Variants in SAMD12 observed in about 807,000 individuals in gnomAD.
SAMD12 encodes sterile alpha motif domain-containing protein 12.
SAMD12 carries 9 observed loss-of-function variants against 15.0 expected under a neutral mutation model. That is an observed-to-expected ratio of 0.60 (90% CI 0.36 to 1.05). The LOEUF (loss-of-function observed/expected upper bound fraction) is 1.05, where lower values mean the gene tolerates loss of function less well. SAMD12 is among the 50% of genes least tolerant of loss of function. The pLI is 0.01. For missense variants in SAMD12, 230 were observed against 234.2 expected, an observed-to-expected ratio of 0.98 and a Z score of 0.12; for synonymous variants, 86 against 90.1, an observed-to-expected ratio of 0.96 and a Z score of 0.25.
chr8:118,497,799 G>A (rs1217505579), intron 2 of SAMD12, among the ~76,000 whole-genome samples: 1 of 150,682 alleles, frequency 6.6e-6, no homozygotes, highest in Non-Finnish European at 1.5e-5. Context: ...TAAAAAAGAT[G>A]CCATTTTGAG....
chr8:118,390,690 A>C (rs1214138703), intron 3 of SAMD12, among the ~76,000 whole-genome samples: 1 of 152,032 alleles, frequency 6.6e-6, no homozygotes, highest in Non-Finnish European at 1.5e-5. Context: ...TCTCACTTCT[A>C]CCTGAGAGCG....
intron 4 of SAMD12, among the ~76,000 whole-genome samples, chr8:118,320,677 G>C (rs911850738): frequency 6.8e-6 from 1 of 147,912 alleles, no homozygotes; most frequent in Non-Finnish European, 1.5e-5. Flanking sequence ...TGGGGTGGGG[G>C]GGGTGGGGAG....
intron 4 of SAMD12, among the ~76,000 whole-genome samples, chr8:118,368,542 T>A (rs77939520): frequency 6.6e-6 from 1 of 152,032 alleles, no homozygotes; most frequent in Non-Finnish European, 1.5e-5. Flanking sequence ...GATGGGTCAA[T>A]AGAAAAAGAT....
intron 4 of SAMD12, among the ~76,000 whole-genome samples, chr8:118,230,331 T>A (rs1478934514): frequency 6.6e-6 from 1 of 152,198 alleles, no homozygotes; most frequent in Non-Finnish European, 1.5e-5. Flanking sequence ...CGGGATTCTA[T>A]CCCAGACAGA....
chr8:118,494,548 AT>A (rs1824547562), intron 2 of SAMD12, among the ~76,000 whole-genome samples: 2 of 152,190 alleles, frequency 1.3e-5, no homozygotes, highest in African/African-American at 4.8e-5. Context: ...GTACTAAAAA[AT>A]ATTTGCTGAA....
chr8:118,426,806 CGTGA>C (rs139696119), intron 3 of SAMD12, among the ~76,000 whole-genome samples: 6,879 of 152,146 alleles, frequency 0.045, 445 homozygotes, highest in African/African-American at 0.14. Context: ...ATTTTGAAAT[CGTGA>C]GTATTTTGTG....
chr8:118,159,067 T>C, the SAMD12 span, among the ~76,000 whole-genome samples: 1 of 151,848 alleles, frequency 6.6e-6, no homozygotes, highest in Non-Finnish European at 1.5e-5. Flanking sequence ...CATGCCCTTT[T>C]CCCCATCCCC....
At chr8:118,482,057 A>C (rs570010675) in intron 2 of SAMD12, among the ~76,000 whole-genome samples, 14 of 152,358 alleles carry the variant, frequency 9.2e-5, no homozygotes, top group Non-Finnish European at 2.1e-4. Flanking sequence ...ACATCCAGGC[A>C]GTATTACTCC....
chr8:118,566,332 C>T (rs1826847012), intron 2 of SAMD12, among the ~76,000 whole-genome samples: 1 of 152,186 alleles, frequency 6.6e-6, no homozygotes, highest in Admixed American at 6.5e-5. Flanking sequence ...ATTCCCCTGT[C>T]TTCTACTCCA....
chr8:118,259,137 T>C (rs939514462), intron 4 of SAMD12, among the ~76,000 whole-genome samples: 1 of 152,006 alleles, frequency 6.6e-6, no homozygotes, highest in Non-Finnish European at 1.5e-5. Flanking sequence ...TACAGAAGCA[T>C]AGTGGACTAG....
chr8:118,306,040 G>A (rs1364640491), intron 4 of SAMD12, among the ~76,000 whole-genome samples: 5 of 152,150 alleles, frequency 3.3e-5, no homozygotes, highest in Admixed American at 3.3e-4. Flanking sequence ...GTTCTGCCTT[G>A]TCCTTTGTCC....
At chr8:118,426,208 G>T (rs539891824) in intron 3 of SAMD12, among the ~76,000 whole-genome samples, 2 of 152,162 alleles carry the variant, frequency 1.3e-5, no homozygotes, top group Admixed American at 6.5e-5. Flanking sequence ...GTCCTTTGAT[G>T]TGCTAGGCAC....
intron 2 of SAMD12, among the ~76,000 whole-genome samples, chr8:118,522,157 AACACACACACACACACACACAT>A (rs1313826877): frequency 4.9e-4 from 34 of 69,978 alleles, no homozygotes; most frequent in African/African-American, 1.8e-3. Context: ...GATTCAGTGA[AACACACACACACACACACACAT>A]ACACACACAC....
At chr8:118,270,354 A>G (rs1318978557) in intron 4 of SAMD12, among the ~76,000 whole-genome samples, 1 of 152,166 alleles carries the variant, frequency 6.6e-6, no homozygotes, top group East Asian at 1.9e-4. Flanking sequence ...TTCCTTTTAT[A>G]TGTTTGTGTA....
At chr8:118,509,608 C>G (rs1172203394) in intron 2 of SAMD12, among the ~76,000 whole-genome samples, 1 of 152,204 alleles carries the variant, frequency 6.6e-6, no homozygotes, top group African/African-American at 2.4e-5. Context: ...CCCTAAAACT[C>G]AAAATGTAGC....
downstream of SAMD12, among the ~76,000 whole-genome samples, chr8:118,374,308 C>T (rs1326032315): frequency 2.0e-5 from 3 of 151,946 alleles, no homozygotes; most frequent in Non-Finnish European, 4.4e-5. Flanking sequence ...AGCATGTGGT[C>T]GGATTTCCTT....
At chr8:118,562,759 G>C (rs145111118) in intron 2 of SAMD12, among the ~76,000 whole-genome samples, 1 of 152,312 alleles carries the variant, frequency 6.6e-6, no homozygotes, top group East Asian at 1.9e-4. Context: ...AAGGAAGGAT[G>C]TTTTTAAAAT....
At chr8:118,234,284 A>G (rs962338853) in intron 4 of SAMD12, among the ~76,000 whole-genome samples, 1 of 152,064 alleles carries the variant, frequency 6.6e-6, no homozygotes, top group Non-Finnish European at 1.5e-5. Flanking sequence ...CTCCTTGAAG[A>G]AGGCATTGTC....
chr8:118,321,615 A>G (rs965973749), intron 4 of SAMD12, among the ~76,000 whole-genome samples: 1 of 120,752 alleles, frequency 8.3e-6, no homozygotes, highest in African/African-American at 4.4e-5. Flanking sequence ...CTCTGTCTCA[A>G]AAGAAAAAAT....
Sources: gnomAD v4.1 joint callset for allele counts (sites outside exome capture counted in the v4.1 genomes callset) on GRCh38, gnomAD v4.1.1 for gene constraint, MANE v1.5 for transcripts, NCBI Gene and HGNC (gene_info 2026-07-23, HGNC 2026-07-21) for gene names.